The following SCAMP5 variants were observed in gnomAD, a reference collection of about 807,000 sequenced individuals.
The protein encoded by SCAMP5 is secretory carrier-associated membrane protein 5.
SCAMP5 carries 7 observed loss-of-function variants against 28.3 expected under a neutral mutation model. The observed-to-expected ratio is 0.25, with a 90% CI of 0.14 to 0.46. The LOEUF (loss-of-function observed/expected upper bound fraction) is 0.46, where lower values mean the gene tolerates loss of function less well. Ranked by LOEUF, SCAMP5 falls within the 20% of genes least tolerant of loss-of-function variation. SCAMP5 has a pLI of 0.99. For synonymous variants in SCAMP5, 117 were observed against 116.4 expected (o/e 1.00, Z -0.03); for missense variants, 192 against 312.5 (o/e 0.61, Z 2.91).
chr15:75,018,659 C>A lies in SCAMP5; in HGVS notation c.513+124C>A. The stretch of plus-strand genomic sequence containing the variant: ...AAGGGACTCACTCTGGAATGGCCTG[C>A]AGGACTCTCCTACAGAGGCATTCAT... On this transcript the variant is annotated intron_variant, in intron 6 of 6. Coordinates refer to ENST00000425597, the MANE Select transcript of SCAMP5 (RefSeq NM_138967.4). This position sits in a 1 kb window ranked among gnomAD's most constrained non-coding sequence, Gnocchi z 5.6. The A allele has an allele frequency of 9.9e-7, 1 of 1,010,768 alleles. No homozygotes were observed. The highest frequency in any genetic ancestry group is 1.6e-6 in the Non-Finnish European group (1 of 635,070). 62.6% of individuals were successfully genotyped at this position (1,010,768 alleles called of 1,614,324 possible).
rs1023805679 is a variant in SCAMP5 at position 75,016,579 on chromosome 15, T to A, written c.137-14T>A. The A allele has an allele frequency of 1.9e-6, 3 of 1,609,218 alleles. No homozygotes were observed. The highest frequency in any genetic ancestry group is 2.5e-6 in the Non-Finnish European group (3 of 1,178,260). On this transcript the variant is annotated splice_polypyrimidine_tract_variant and intron_variant, in intron 3 of 6. Transcript: ENST00000425597. The stretch of plus-strand genomic sequence containing the variant: ...TGTCTGTCTCTATGTGTGCATGTGC[T>A]CCTGGGCCTGCAGTGAACAGCGTCA...
chr15:75,011,972 A>C (rs1201680783), intron 2 of SCAMP5, 126 bp downstream of exon 2: 4 of 683,740 alleles, frequency 5.9e-6, no homozygotes, highest in Non-Finnish European at 1.0e-5. Flanking sequence ...ACTGTCCCCA[A>C]GCTTTCCCCA....
At position 75,015,013 on chromosome 15, in the gene SCAMP5, C is replaced by A. The variant is rs775955305; in HGVS notation, c.137-1580C>A. ...GCCCTGAGATGGGTGACACGGTGGT[C>A]AGGCCAGGCTTGTAGGTCACTGTGT... On this transcript the variant is annotated intron_variant, in intron 3 of 6. Transcript: ENST00000425597. 8.5e-5 allele frequency among the ~76,000 whole-genome samples: 13 copies of A among 152,144 alleles called. 1 individual carries two copies. The highest frequency in any genetic ancestry group is 8.3e-4 in the South Asian group (4 of 4,828).
intron 1 of SCAMP5, among the ~76,000 whole-genome samples, chr15:75,002,582 C>T (rs1392875412): frequency 6.6e-6 from 1 of 151,960 alleles, no homozygotes; most frequent in Non-Finnish European, 1.5e-5. Flanking sequence ...ACGCGTTAGT[C>T]CCGGTAGTGC....
chr15:75,014,075 C>T (rs895924561), intron 3 of SCAMP5, among the ~76,000 whole-genome samples: 1 of 152,072 alleles, frequency 6.6e-6, no homozygotes, highest in African/African-American at 2.4e-5. Flanking sequence ...TCCCAAGATA[C>T]CCGCAATGTA....
intron 1 of SCAMP5, among the ~76,000 whole-genome samples, chr15:75,004,011 T>C (rs1298824520): frequency 2.6e-5 from 4 of 152,090 alleles, no homozygotes; most frequent in Non-Finnish European, 5.9e-5. Flanking sequence ...TTCAAGCGAT[T>C]CTCCTGCGTC....
rs1369380120 is a variant in SCAMP5, at chr15:75,018,388, C to G, written c.396-30C>G. On this transcript the variant is annotated intron_variant, in intron 5 of 6. Coordinates refer to ENST00000425597, the MANE Select transcript of SCAMP5 (RefSeq NM_138967.4). This position sits in a 1 kb window ranked among gnomAD's most constrained non-coding sequence, Gnocchi z 5.6. ...GGCTCCTGGGCACCTCTTATCCTGC[C>G]CGCAGCCCCACACTGGCCTCTTCCT... is the stretch of plus-strand genomic sequence containing the variant. 1 of 1,452,928 alleles carries G rather than the reference C, an allele frequency of 6.9e-7. No homozygotes were observed. Among genetic ancestry groups the G allele is most frequent in the Non-Finnish European group, 9.7e-7 (1 of 1,033,310 alleles). The allele number at this position is 1,452,928 out of a possible 1,614,324, so 90.0% of individuals were successfully genotyped here.
At chr15:75,009,965 C>T (rs1322024364) in intron 1 of SCAMP5, 1 of 152,204 alleles carries the variant, frequency 6.6e-6, no homozygotes, top group East Asian at 1.9e-4. Flanking sequence ...ACTTCTAACA[C>T]CATAGATTTA....
chr15:75,018,601 C>T lies in SCAMP5; in HGVS notation c.513+66C>T. The stretch of plus-strand genomic sequence containing the variant: ...GGGGCCATGTTCTGAAACAAGCCCT[C>T]CTCCAAGTTGCAAGAGGATCCCGAG... On this transcript the variant is annotated intron_variant, in intron 6 of 6. Coordinates refer to ENST00000425597, the MANE Select transcript of SCAMP5 (RefSeq NM_138967.4). This position sits in a 1 kb window ranked among gnomAD's most constrained non-coding sequence, Gnocchi z 5.6. 7.3e-6 allele frequency: 9 copies of T among 1,240,450 alleles called. No individual in the cohort carries two copies. Among genetic ancestry groups the T allele is most frequent in the Non-Finnish European group, 1.1e-5 (9 of 839,374 alleles). The allele number at this position is 1,240,450 out of a possible 1,614,324, so 76.8% of individuals were successfully genotyped here.
chr15:75,010,619 C>T (rs897334444), intron 1 of SCAMP5, among the ~76,000 whole-genome samples: 2 of 152,150 alleles, frequency 1.3e-5, no homozygotes, highest in African/African-American at 4.8e-5. Context: ...TTGAGACCAG[C>T]TGTGCAACAC....
intron 1 of SCAMP5, among the ~76,000 whole-genome samples, chr15:75,000,985 G>T (rs939194429): frequency 4.6e-5 from 7 of 151,998 alleles, no homozygotes; most frequent in Admixed American, 4.6e-4. Flanking sequence ...TCCAGGCCGG[G>T]CGCGGTGGCT....
intron 4 of SCAMP5, chr15:75,017,615 G>T (rs555701045): frequency 1.7e-6 from 1 of 580,010 alleles, no homozygotes; most frequent in South Asian, 2.2e-5. Context: ...ATGCCAATGA[G>T]GCCGTCCATC....
chr15:75,013,925 G>A (rs1475346254), intron 3 of SCAMP5, among the ~76,000 whole-genome samples: 1 of 152,036 alleles, frequency 6.6e-6, no homozygotes, highest in Non-Finnish European at 1.5e-5. Flanking sequence ...CCTCATTTCT[G>A]GTGATCTGTA....
At chr15:75,017,636 T>C in intron 4 of SCAMP5, 1 of 595,524 alleles carries the variant, frequency 1.7e-6, no homozygotes, top group Non-Finnish European at 3.0e-6. Context: ...CATGTACCAG[T>C]GGGTGGTCTG....
chr15:74,998,884 A>C (rs1369356148), intron 1 of SCAMP5, among the ~76,000 whole-genome samples: 3 of 152,134 alleles, frequency 2.0e-5, no homozygotes, highest in Non-Finnish European at 4.4e-5. Flanking sequence ...CTGTAAGCAG[A>C]CTTTTGGGAG....
At chr15:75,016,079 C>T (rs1052990165) in intron 3 of SCAMP5, among the ~76,000 whole-genome samples, 4 of 152,100 alleles carry the variant, frequency 2.6e-5, no homozygotes, top group Admixed American at 6.6e-5. Context: ...GCCCATATCT[C>T]GAAAGAGAAA....
Position 75,018,992 on chromosome 15 carries a change from C to T in SCAMP5, c.*9C>T, listed in dbSNP as rs368142952. On this transcript the variant is annotated 3_prime_UTR_variant, in exon 7 of 7. Coordinates refer to ENST00000425597, the MANE Select transcript of SCAMP5 (RefSeq NM_138967.4). The surrounding 1 kb of genome is among the most constrained non-coding windows in gnomAD (Gnocchi z 5.6). ...ACTCCAATGAGATGTGAACCAGCCA[C>T]GCCTACCAGGTGGCAGAGCTGGGGC... 5.2e-5 allele frequency: 77 copies of T among 1,489,798 alleles called. No homozygotes were observed. The highest frequency in any genetic ancestry group is 5.8e-5 in the Non-Finnish European group (65 of 1,124,708). 92.3% of individuals were successfully genotyped at this position (1,489,798 alleles called of 1,614,324 possible).
At chr15:75,016,891 G>C in intron 4 of SCAMP5, 142 bp downstream of exon 4, 1 of 772,076 alleles carries the variant, frequency 1.3e-6, no homozygotes, top group Middle Eastern at 3.2e-4. Context: ...GGCTCAGATT[G>C]CTAGGTAGGG....
intron 2 of SCAMP5, 55 bp from the exon 3 acceptor site, chr15:75,012,622 T>C: frequency 6.2e-7 from 1 of 1,608,874 alleles, no homozygotes; most frequent in Admixed American, 1.7e-5. Flanking sequence ...ATGGGCGTCT[T>C]GGATTGTCGG....
Sources: gnomAD v4.1 joint callset for allele counts (sites outside exome capture counted in the v4.1 genomes callset) on GRCh38, gnomAD v4.1.1 for gene constraint, Gnocchi (gnomAD v3.1) non-coding constraint, MANE v1.5 for transcripts, NCBI Gene and HGNC (gene_info 2026-07-23, HGNC 2026-07-21) for gene names.